The following IMPG1 variants were observed in gnomAD, a reference collection of about 807,000 sequenced individuals.
IMPG1 encodes interphotoreceptor matrix proteoglycan 1.
Under a neutral mutation model 92.0 loss-of-function variants are expected in IMPG1, and 85 were observed. The ratio of observed to expected loss-of-function variants is 0.92; its 90% CI spans 0.78 to 1.11. The LOEUF is 1.11. Among genes scored for constraint, IMPG1 ranks in the 50% least tolerant of loss-of-function variants. The pLI, the probability that IMPG1 is intolerant of heterozygous loss-of-function variation, is 0.00. For missense variants in IMPG1, 1,022 were observed against 956.0 expected (o/e 1.07, Z -0.91); for synonymous variants, 367 against 334.1 (o/e 1.10, Z -1.08).
intron 12 of IMPG1, among the ~76,000 whole-genome samples, chr6:75,990,803 TTC>T (rs935603072): frequency 6.6e-6 from 1 of 152,198 alleles, no homozygotes; most frequent in African/African-American, 2.4e-5. Context: ...CAAATGCTGT[TTC>T]ACTTTCTTAA....
intron 12 of IMPG1, among the ~76,000 whole-genome samples, chr6:75,983,957 T>C (rs1782671486): frequency 6.6e-6 from 1 of 152,120 alleles, no homozygotes; most frequent in African/African-American, 2.4e-5. Context: ...CCAACAGGTA[T>C]ATGAAGAACT....
chr6:76,068,398 C>G (rs187830479), intron 1 of IMPG1, among the ~76,000 whole-genome samples: 101 of 151,920 alleles, frequency 6.6e-4, no homozygotes, highest in Non-Finnish European at 1.2e-3. Flanking sequence ...CAATAATGAT[C>G]TACAAGGAGA....
At chr6:76,028,234 C>T (rs746403212) in intron 4 of IMPG1, among the ~76,000 whole-genome samples, 4 of 152,318 alleles carry the variant, frequency 2.6e-5, no homozygotes, top group Non-Finnish European at 1.5e-5. Flanking sequence ...TTGCTATTCA[C>T]AGACAATTGC....
Position 75,951,002 on chromosome 6 carries a change from G to A in IMPG1, c.1384C>T (p.Gln462Ter), listed in dbSNP as rs565336088. The change falls in exon 13 of 17, where the codon CAA (glutamine) becomes TAA (stop). Residue 462 changes from glutamine (Q) to a stop codon, truncating the protein, a stop_gained. Transcript: ENST00000369950. LOFTEE classifies it high-confidence loss of function. ...MASSIFSLTD[Q>*]GTTDTMATDQ... ...GTGGCCATTGTATCTGTGGTGCCTT[G>A]ATCAGTCAGAGAGAAGATGCTTGAT... 1.9e-6 allele frequency: 3 copies of A among 1,613,872 alleles called. No individual in the cohort carries two copies. Among genetic ancestry groups the A allele is most frequent in the African/African-American group, 2.7e-5 (2 of 75,000 alleles).
intron 12 of IMPG1, among the ~76,000 whole-genome samples, chr6:75,986,195 T>C (rs1160473534): frequency 6.6e-6 from 1 of 152,164 alleles, no homozygotes; most frequent in African/African-American, 2.4e-5. Context: ...AGGTTTTGGC[T>C]CCTTTTAAAT....
intron 1 of IMPG1, among the ~76,000 whole-genome samples, chr6:76,046,103 A>G (rs767036612): frequency 6.6e-6 from 1 of 151,974 alleles, no homozygotes; most frequent in Non-Finnish European, 1.5e-5. Flanking sequence ...AAAAAAAAAT[A>G]ACCACCTTTA....
At chr6:76,022,861 A>G (rs533309903) in intron 5 of IMPG1, among the ~76,000 whole-genome samples, 1 of 152,344 alleles carries the variant, frequency 6.6e-6, no homozygotes, top group Admixed American at 6.5e-5. Flanking sequence ...ATGCTCAGAG[A>G]AAATAGTGTT....
intron 15 of IMPG1, among the ~76,000 whole-genome samples, chr6:75,925,527 A>G (rs954281359): frequency 3.9e-5 from 6 of 152,138 alleles, no homozygotes; most frequent in African/African-American, 1.2e-4. Context: ...GAGGAAAAAT[A>G]TAGTTTAAGG....
In IMPG1 at chr6:76,005,342, G is replaced by C. The variant is rs750445232; in HGVS notation, c.1080C>G (p.Ser360Arg). The C allele has an allele frequency of 6.2e-7, 1 of 1,613,914 alleles. No individual in the cohort carries two copies. Among genetic ancestry groups the C allele is most frequent in the East Asian group, 2.2e-5 (1 of 44,872 alleles). Residue 360 changes from serine (S) to arginine (R), a missense_variant, in exon 10 of 17, where the codon AGC (serine) becomes AGG (arginine). Ser to Arg is a moderately radical substitution (Grantham distance 110). Coordinates refer to ENST00000369950, the MANE Select transcript of IMPG1 (RefSeq NM_001563.4). ...AAGATTGTTCTTCCTCTAGTGCTTT[G>C]CTGATCAGCCTTTTGAGGTCTGTAG... The part of the protein sequence containing the change: ...LTATDLKRLI[S>R]KALEEEQSLD...
rs894162939 is a variant in IMPG1 at position 76,072,325 on chromosome 6, G to A, written c.67+97C>T. On this transcript the variant is annotated intron_variant, in intron 1 of 16. Transcript: ENST00000369950. ...TTCAAGGCCTACTATATACTAGCCC[G>A]TGAGATCAATTGGTAGCCTTGTTGG... 3.4e-5 allele frequency: 22 copies of A among 648,750 alleles called. No individual in the cohort carries two copies. In the Middle Eastern group the frequency reaches 8.0e-4, roughly 24 times the overall value. 40.2% of individuals were successfully genotyped at this position (648,750 alleles called of 1,614,324 possible). A position where few individuals can be genotyped will look rare whatever the true frequency, so the allele number is the denominator to read the frequency against.
intron 2 of IMPG1, 35 bp from the exon 3 acceptor site, chr6:76,034,822 GA>G: frequency 6.3e-7 from 1 of 1,583,652 alleles, no homozygotes; most frequent in Non-Finnish European, 8.6e-7. Flanking sequence ...CATGCCCTAA[GA>G]GGGTCCCCGT....
chr6:75,922,318 T>G (rs1034319278), intron 16 of IMPG1, 152 bp from the exon 17 acceptor site: 7 of 563,316 alleles, frequency 1.2e-5, no homozygotes, highest in African/African-American at 3.8e-5. Flanking sequence ...CAAAATATTC[T>G]TAACTTTATA....
intron 1 of IMPG1, among the ~76,000 whole-genome samples, chr6:76,052,512 T>C (rs1218230898): frequency 6.6e-6 from 1 of 152,182 alleles, no homozygotes; most frequent in Non-Finnish European, 1.5e-5. Flanking sequence ...AGTTGAGAAC[T>C]ATACTTCTAG....
At chr6:76,069,057 G>A (rs1269778624) in intron 1 of IMPG1, among the ~76,000 whole-genome samples, 2 of 152,004 alleles carry the variant, frequency 1.3e-5, no homozygotes, top group Non-Finnish European at 2.9e-5. Context: ...ATGGAACAGA[G>A]TAGAGAACCC....
At chr6:76,051,510 T>C (rs1426370807) in intron 1 of IMPG1, among the ~76,000 whole-genome samples, 1 of 152,224 alleles carries the variant, frequency 6.6e-6, no homozygotes, top group Non-Finnish European at 1.5e-5. Context: ...CCCCAATCTG[T>C]GGCCTTAGAG....
chr6:76,023,008 T>C (rs901830835), intron 5 of IMPG1, among the ~76,000 whole-genome samples: 9 of 152,166 alleles, frequency 5.9e-5, no homozygotes, highest in African/African-American at 7.2e-5. Flanking sequence ...CTTTCCTTAC[T>C]CCCTGAAGAG....
At chr6:76,025,683 A>C (rs1336565625) in intron 4 of IMPG1, among the ~76,000 whole-genome samples, 1 of 152,204 alleles carries the variant, frequency 6.6e-6, no homozygotes, top group East Asian at 1.9e-4. Flanking sequence ...CATTAAGCTT[A>C]TCTAATAAAG....
At chr6:75,975,580 C>T (rs1277899882) in intron 12 of IMPG1, among the ~76,000 whole-genome samples, 3 of 152,124 alleles carry the variant, frequency 2.0e-5, no homozygotes, top group African/African-American at 7.2e-5. Context: ...TAATTCAATG[C>T]AAGTGAATTT....
chr6:76,042,037 T>G lies in IMPG1; in HGVS notation c.157A>C (p.Lys53Gln), dbSNP rs1783852931. ...ETTESTEKMY[K>Q]MSTMRRIFDL... is the part of the protein sequence containing the mutation. ...AATATTCGTCTCATAGTTGACATTTTGTACATTTTTTCAGTACTTTCAGTT... is the reference window on the plus strand; with the variant it reads ...AATATTCGTCTCATAGTTGACATTTGGTACATTTTTTCAGTACTTTCAGTT... The change falls in exon 2 of 17, where the codon AAA becomes CAA. Residue 53 changes from lysine to glutamine, a missense_variant. Physicochemically the swap from Lys to Gln is moderately conservative, Grantham distance 53. Transcript: ENST00000369950. 1.2e-6 allele frequency: 2 copies of G among 1,612,832 alleles called. No homozygotes were observed. The highest frequency in any genetic ancestry group is 2.7e-5 in the African/African-American group (2 of 74,902).
Sources: gnomAD v4.1 joint callset for allele counts (sites outside exome capture counted in the v4.1 genomes callset) on GRCh38, gnomAD v4.1.1 for gene constraint, MANE v1.5 for transcripts, NCBI Gene and HGNC (gene_info 2026-07-23, HGNC 2026-07-21) for gene names.